ARHGAP15: variants seen among roughly 807,000 people sequenced by gnomAD.
ARHGAP15 encodes rho GTPase-activating protein 15.
A neutral mutation model predicts 63.7 loss-of-function variants in ARHGAP15; 51 were observed. The observed-to-expected ratio is 0.80, with a 90% CI of 0.64 to 1.01. The LOEUF is 1.01. ARHGAP15 is among the 50% of genes least tolerant of loss of function. ARHGAP15 has a pLI of 0.00. For missense variants in ARHGAP15, 560 were observed against 564.6 expected, an observed-to-expected ratio of 0.99 and a Z score of 0.08; for synonymous variants, 191 against 193.8, an observed-to-expected ratio of 0.99 and a Z score of 0.12.
intron 10 of ARHGAP15, among the ~76,000 whole-genome samples, chr2:143,536,263 AC>A (rs1413905670): frequency 2.6e-5 from 4 of 152,126 alleles, no homozygotes; most frequent in African/African-American, 9.7e-5. Context: ...TATGAGGTCA[AC>A]CTTTTTGAAT....
At chr2:143,264,541 A>G (rs1026699150) in intron 6 of ARHGAP15, among the ~76,000 whole-genome samples, 3 of 152,096 alleles carry the variant, frequency 2.0e-5, no homozygotes, top group Non-Finnish European at 2.9e-5. Flanking sequence ...ACCCTGGTAT[A>G]TGAATGACAT....
At chr2:143,346,986 G>A (rs765372228) in intron 6 of ARHGAP15, among the ~76,000 whole-genome samples, 7 of 151,528 alleles carry the variant, frequency 4.6e-5, no homozygotes, top group Non-Finnish European at 8.8e-5. Flanking sequence ...TTATCCCTTT[G>A]GTCTGTTTAT....
chr2:143,528,645 T>C (rs1236173172), intron 10 of ARHGAP15, among the ~76,000 whole-genome samples: 3 of 152,076 alleles, frequency 2.0e-5, no homozygotes, highest in Non-Finnish European at 4.4e-5. Flanking sequence ...AATATACCAA[T>C]GTTATTAAAA....
chr2:143,461,281 CAAAAAAAAAA>C (rs70982868), intron 8 of ARHGAP15, among the ~76,000 whole-genome samples: 8 of 55,052 alleles, frequency 1.5e-4, no homozygotes, highest in South Asian at 1.1e-3. Flanking sequence ...CTCTGTCTCT[CAAAAAAAAAA>C]AAAAAAAAAA....
intron 9 of ARHGAP15, among the ~76,000 whole-genome samples, chr2:143,505,203 C>T (rs1171058326): frequency 2.0e-5 from 3 of 152,128 alleles, no homozygotes; most frequent in African/African-American, 2.4e-5. Flanking sequence ...TCCATGGTGG[C>T]GAACATCATT....
At chr2:143,172,176 A>AT (rs1690809050) in intron 2 of ARHGAP15, 1 of 152,142 alleles carries the variant, frequency 6.6e-6, no homozygotes, top group Non-Finnish European at 1.5e-5. Context: ...AGGGTATCAA[A>AT]TGTTCACGTT....
At chr2:143,366,708 A>G (rs947407330) in intron 6 of ARHGAP15, among the ~76,000 whole-genome samples, 1 of 152,138 alleles carries the variant, frequency 6.6e-6, no homozygotes, top group African/African-American at 2.4e-5. Context: ...AAATGATTCA[A>G]GTAAACTTAG....
chr2:143,557,985 G>T (rs1323907884), intron 11 of ARHGAP15, among the ~76,000 whole-genome samples: 2 of 151,954 alleles, frequency 1.3e-5, no homozygotes, highest in Admixed American at 1.3e-4. Context: ...AAACAGTAGG[G>T]GGATGCCTTG....
intron 1 of ARHGAP15, among the ~76,000 whole-genome samples, chr2:143,149,185 C>G (rs1689714718): frequency 6.6e-6 from 1 of 151,976 alleles, no homozygotes; most frequent in African/African-American, 2.4e-5. Flanking sequence ...ACATGTAGAG[C>G]AGGGAATGGG....
chr2:143,668,435 C>A (rs1298413854), intron 12 of ARHGAP15, among the ~76,000 whole-genome samples: 5 of 152,170 alleles, frequency 3.3e-5, no homozygotes, highest in African/African-American at 1.2e-4. Context: ...CCTCCCTATT[C>A]AAAGATGACA....
At chr2:143,415,427 C>G (rs1406946208) in intron 6 of ARHGAP15, among the ~76,000 whole-genome samples, 3 of 151,584 alleles carry the variant, frequency 2.0e-5, no homozygotes, top group African/African-American at 7.3e-5. Context: ...GACAGCACCT[C>G]GAAATGCATA....
chr2:143,173,943 C>T (rs934444611), intron 2 of ARHGAP15, among the ~76,000 whole-genome samples: 4 of 151,984 alleles, frequency 2.6e-5, no homozygotes, highest in Admixed American at 1.3e-4. Flanking sequence ...GGGGTCGTTC[C>T]GAGTTTTATT....
chr2:143,251,391 A>G (rs766004371), intron 6 of ARHGAP15, among the ~76,000 whole-genome samples: 14 of 152,028 alleles, frequency 9.2e-5, no homozygotes, highest in Admixed American at 2.6e-4. Context: ...ATGTCTTCTG[A>G]GAGCATGTTG....
Position 143,735,381 on chromosome 2 carries a change from G to T in ARHGAP15, c.1244+31857G>T, listed in dbSNP as rs375945000. On this transcript the variant is annotated intron_variant, in intron 13 of 13. Coordinates refer to ENST00000295095, the MANE Select transcript of ARHGAP15 (RefSeq NM_018460.4). ...GCGTGACTAGATTCAATTGCCAAAGGGTATTGCATAGAATTTGTTTCTTTC... is the reference window on the plus strand; with the variant it reads ...GCGTGACTAGATTCAATTGCCAAAGTGTATTGCATAGAATTTGTTTCTTTC... 8.5e-5 allele frequency among the ~76,000 whole-genome samples: 13 copies of T among 152,226 alleles called. No individual in the cohort carries two copies. The East Asian group carries it at 2.5e-3, about 29-fold the overall frequency.
chr2:143,555,860 A>AAGAAATAGAATAGAAT (rs1695766222), intron 10 of ARHGAP15, among the ~76,000 whole-genome samples: 1 of 138,094 alleles, frequency 7.2e-6, no homozygotes, highest in Non-Finnish European at 1.6e-5. Flanking sequence ...ACAGGAAAAC[A>AAGAAATAGAATAGAAT]AGAATAGAAT....
intron 8 of ARHGAP15, among the ~76,000 whole-genome samples, chr2:143,483,797 G>C (rs1210999800): frequency 1.3e-5 from 2 of 152,220 alleles, no homozygotes; most frequent in Non-Finnish European, 2.9e-5. Context: ...TCAAGGTCTT[G>C]TAAAAGCAAT....
At chr2:143,659,303 T>C (rs911536308) in intron 12 of ARHGAP15, among the ~76,000 whole-genome samples, 7 of 152,108 alleles carry the variant, frequency 4.6e-5, no homozygotes, top group African/African-American at 1.7e-4. Context: ...GCATAGGGGG[T>C]GATGGACATG....
intron 8 of ARHGAP15, among the ~76,000 whole-genome samples, chr2:143,459,564 G>A (rs1690827527): frequency 6.6e-6 from 1 of 152,080 alleles, no homozygotes; most frequent in Non-Finnish European, 1.5e-5. Context: ...TATTTTATCT[G>A]TATTGCATAC....
Position 143,703,283 on chromosome 2 carries a change from C to T in ARHGAP15, c.1139-136C>T, listed in dbSNP as rs1180683558. 5.4e-5 allele frequency: 32 copies of T among 587,830 alleles called. No individual in the cohort carries two copies. The East Asian group carries it at 8.3e-4, about 15-fold the overall frequency. 36.4% of individuals were successfully genotyped at this position (587,830 alleles called of 1,614,324 possible). On this transcript the variant is annotated intron_variant, in intron 12 of 13. Transcript: ENST00000295095. ...TCCTTAATAACCAGGTTGAGTCCAC[C>T]TATTCCCTTTGACTACTGACTAGGA...
Sources: gnomAD v4.1 joint callset for allele counts (sites outside exome capture counted in the v4.1 genomes callset) on GRCh38, gnomAD v4.1.1 for gene constraint, MANE v1.5 for transcripts, NCBI Gene and HGNC (gene_info 2026-07-23, HGNC 2026-07-21) for gene names.